Variants in MGAT5 observed in about 807,000 individuals in gnomAD.
MGAT5 encodes alpha-1,6-mannosylglycoprotein 6-beta-N-acetylglucosaminyltransferase, also known as alpha-1,6-mannosylglycoprotein 6-beta-N-acetylglucosaminyltransferase A.
MGAT5 carries 30 observed loss-of-function variants against 94.3 expected under a neutral mutation model. The observed-to-expected ratio is 0.32, with a 90% CI of 0.24 to 0.43. The LOEUF (loss-of-function observed/expected upper bound fraction) is 0.43, where lower values mean the gene tolerates loss of function less well. Among genes scored for constraint, MGAT5 ranks in the 20% least tolerant of loss-of-function variants. MGAT5 has a pLI of 1.00. For synonymous variants in MGAT5, 310 were observed against 322.9 expected (o/e 0.96, Z 0.43); for missense variants, 691 against 905.5 (o/e 0.76, Z 3.04).
chr2:134,434,332 G>T lies in MGAT5; in HGVS notation c.1869+5893G>T, dbSNP rs192348472. ...AGAACATTGTTCCGTCTCATAAATT[G>T]GTTGGTTATTAGACTTTTTGTTGGT... On this transcript the variant is annotated intron_variant, in intron 14 of 15. Transcript: ENST00000281923. 1.5e-3 allele frequency among the ~76,000 whole-genome samples: 231 copies of T among 152,296 alleles called. 2 individuals carry two copies. Among genetic ancestry groups the T allele is most frequent in the African/African-American group, 5.2e-3 (216 of 41,548 alleles).
chr2:134,276,048 A>G (rs747921524), intron 2 of MGAT5, among the ~76,000 whole-genome samples: 54 of 152,112 alleles, frequency 3.6e-4, no homozygotes, highest in Non-Finnish European at 6.9e-4. Context: ...GCCAGCAGAT[A>G]TTTTCACCTA....
intron 2 of MGAT5, among the ~76,000 whole-genome samples, chr2:134,287,943 A>T (rs901516282): frequency 7.9e-5 from 12 of 152,232 alleles, no homozygotes; most frequent in African/African-American, 2.9e-4. Flanking sequence ...TAATAAATGG[A>T]AAATGATATT....
At chr2:134,289,700 C>A (rs1192799638) in intron 2 of MGAT5, among the ~76,000 whole-genome samples, 1 of 152,202 alleles carries the variant, frequency 6.6e-6, no homozygotes, top group Non-Finnish European at 1.5e-5. Flanking sequence ...CACCTGCATT[C>A]CTTCTGGGAG....
At chr2:134,397,302 G>A (rs1472313373) in intron 10 of MGAT5, among the ~76,000 whole-genome samples, 3 of 152,318 alleles carry the variant, frequency 2.0e-5, no homozygotes, top group East Asian at 1.9e-4. Context: ...ATATTTTGCT[G>A]CAGAAGGAGT....
intron 1 of MGAT5, among the ~76,000 whole-genome samples, chr2:134,248,893 G>C (rs556508708): frequency 4.6e-5 from 7 of 152,228 alleles, no homozygotes; most frequent in African/African-American, 1.4e-4. Flanking sequence ...CATTGGTCTC[G>C]TTCTCACTCC....
chr2:134,135,508 A>G lies in MGAT5; in HGVS notation c.-143+15217A>G, dbSNP rs138308687. Among the ~76,000 whole-genome samples, 367 of 152,022 alleles carry G rather than the reference A, an allele frequency of 2.4e-3. 2 individuals carry two copies. Among genetic ancestry groups the G allele is most frequent in the African/African-American group, 8.0e-3 (332 of 41,446 alleles). On this transcript the variant is annotated intron_variant, in intron 1 of 16. Coordinates refer to the MGAT5 transcript ENST00000409645. ...AGAGATTGAGACCATCCTGGCCAAC[A>G]TGGTGAAACCCTGTCTCTACTAAAA...
rs377516704 is a variant in MGAT5, at chr2:134,223,282, G to A, written c.-142-30980G>A. Among the ~76,000 whole-genome samples the A allele has an allele frequency of 4.6e-5, 7 of 151,974 alleles. No individual in the cohort carries two copies. The East Asian group carries it at 1.2e-3, about 25-fold the overall frequency. ...CTCAAACCGGACCTTACAATCTTAC[G>A]TACCCACCTTTTCTGCATTTGTCCC... On this transcript the variant is annotated intron_variant, in intron 1 of 16. Coordinates refer to the MGAT5 transcript ENST00000409645.
At chr2:134,158,616 T>A (rs1292705076) in intron 1 of MGAT5, among the ~76,000 whole-genome samples, 1 of 152,096 alleles carries the variant, frequency 6.6e-6, no homozygotes, top group Non-Finnish European at 1.5e-5. Flanking sequence ...GCTGGGTGGC[T>A]GCAGCTGCAT....
intron 8 of MGAT5, among the ~76,000 whole-genome samples, chr2:134,345,324 C>T (rs1456292001): frequency 6.6e-6 from 1 of 152,136 alleles, no homozygotes; most frequent in African/African-American, 2.4e-5. Context: ...TCTCAGTATG[C>T]GTATGCCAGT....
At chr2:134,279,503 A>C (rs573468617) in intron 2 of MGAT5, among the ~76,000 whole-genome samples, 1 of 152,236 alleles carries the variant, frequency 6.6e-6, no homozygotes. Flanking sequence ...CTGTTGGACT[A>C]ATTACTGACC....
At chr2:134,209,141 A>ATTTATTTTTTATTTTTTTT (rs1680168873) in intron 1 of MGAT5, among the ~76,000 whole-genome samples, 1 of 16,080 alleles carries the variant, frequency 6.2e-5, no homozygotes. Flanking sequence ...GAACTGGCTT[A>ATTTATTTTTTATTTTTTTT]TTTTTTTTTT....
intron 11 of MGAT5, among the ~76,000 whole-genome samples, chr2:134,404,796 G>A (rs1683243554): frequency 6.6e-6 from 1 of 152,218 alleles, no homozygotes. Flanking sequence ...TCTGTAGTCT[G>A]ATGACTGTTT....
chr2:134,393,744 C>T (rs571643725), intron 10 of MGAT5, among the ~76,000 whole-genome samples: 15 of 152,174 alleles, frequency 9.9e-5, no homozygotes, highest in Non-Finnish European at 1.5e-4. Context: ...GAAATTGTTT[C>T]AGCCCTTGAC....
At chr2:134,421,083 G>C (rs569306575) in intron 12 of MGAT5, among the ~76,000 whole-genome samples, 1 of 152,348 alleles carries the variant, frequency 6.6e-6, no homozygotes, top group African/African-American at 2.4e-5. Context: ...AGAATTGCCA[G>C]TAATGTGATA....
At chr2:134,278,051 G>C (rs1418144410) in intron 2 of MGAT5, among the ~76,000 whole-genome samples, 2 of 152,210 alleles carry the variant, frequency 1.3e-5, no homozygotes, top group Non-Finnish European at 2.9e-5. Context: ...GAGAGGTTCA[G>C]ACATGGGAGC....
At chr2:134,183,989 A>C (rs972573418) in intron 1 of MGAT5, among the ~76,000 whole-genome samples, 1 of 152,136 alleles carries the variant, frequency 6.6e-6, no homozygotes, top group Admixed American at 6.5e-5. Context: ...TTTTTAGCTC[A>C]CTTAATTTTT....
intron 1 of MGAT5, among the ~76,000 whole-genome samples, chr2:134,168,250 C>T (rs916476047): frequency 1.3e-5 from 2 of 152,176 alleles, no homozygotes; most frequent in Non-Finnish European, 2.9e-5. Context: ...GGCCCCATGA[C>T]GACCTCTGTT....
At chr2:134,347,429 T>G (rs1433783858) in intron 8 of MGAT5, among the ~76,000 whole-genome samples, 1 of 152,170 alleles carries the variant, frequency 6.6e-6, no homozygotes, top group African/African-American at 2.4e-5. Context: ...CAGACAACTT[T>G]ACTCATCAGG....
At chr2:134,344,549 T>C (rs1399958919) in intron 7 of MGAT5, among the ~76,000 whole-genome samples, 2 of 152,074 alleles carry the variant, frequency 1.3e-5, no homozygotes, top group African/African-American at 4.8e-5. Context: ...GAAGAACCCC[T>C]GAGAGACTGG....
Sources: allele counts gnomAD v4.1 joint callset (sites outside exome capture counted in the v4.1 genomes callset), GRCh38; gene constraint gnomAD v4.1.1; transcripts MANE v1.5; gene names NCBI Gene and HGNC (gene_info 2026-07-23, HGNC 2026-07-21).